Variants in OCLN observed in about 807,000 individuals in gnomAD.
The protein encoded by OCLN is occludin.
A neutral mutation model predicts 47.9 loss-of-function variants in OCLN; 21 were observed. That is an observed-to-expected ratio of 0.44 (90% confidence interval 0.31 to 0.63). OCLN has a LOEUF of 0.63. Among genes scored for constraint, OCLN ranks in the 30% least tolerant of loss-of-function variants. The pLI, the probability that OCLN is intolerant of heterozygous loss-of-function variation, is 0.08. For missense variants in OCLN, 360 were observed against 571.0 expected, an observed-to-expected ratio of 0.63 and a Z score of 3.77; for synonymous variants, 117 against 198.4, an observed-to-expected ratio of 0.59 and a Z score of 3.45.
chr5:69,535,923 A>G (rs1384663100), intron 5 of OCLN, among the ~76,000 whole-genome samples: 1 of 152,020 alleles, frequency 6.6e-6, no homozygotes, highest in African/African-American at 2.4e-5. Flanking sequence ...TCAGGAGTTC[A>G]AGACCGGCCT....
chr5:69,533,362 A>G (rs1324463230), intron 4 of OCLN, among the ~76,000 whole-genome samples: 1 of 152,098 alleles, frequency 6.6e-6, no homozygotes, highest in East Asian at 1.9e-4. Flanking sequence ...TTTATAAGCA[A>G]GTTTTTAAAG....
chr5:69,531,756 C>A lies in OCLN; in HGVS notation c.892-2938C>A, dbSNP rs1769438194. Among the ~76,000 whole-genome samples, 2 of 152,184 alleles carry A rather than the reference C, an allele frequency of 1.3e-5. 1 individual carries two copies. Among genetic ancestry groups the A allele is most frequent in the South Asian group, 4.1e-4 (2 of 4,826 alleles). ...TCTGAATGTTAAACAATCAAGAATA[C>A]CCCTATGTACTTTGAGGGGTAGGTA... On this transcript the variant is annotated intron_variant, in intron 4 of 8. Transcript: ENST00000396442.
intron 5 of OCLN, among the ~76,000 whole-genome samples, chr5:69,538,191 T>TC (rs1769642585): frequency 6.6e-6 from 1 of 150,966 alleles, no homozygotes; most frequent in Non-Finnish European, 1.5e-5. Context: ...ATTCTAGAAC[T>TC]CTAAGTTCCT....
intron 4 of OCLN, among the ~76,000 whole-genome samples, chr5:69,525,508 G>A (rs1769255818): frequency 6.6e-6 from 1 of 152,090 alleles, no homozygotes; most frequent in Non-Finnish European, 1.5e-5. Flanking sequence ...CCAGTCAAAC[G>A]TGTAAAAGTG....
chr5:69,516,368 G>A lies in OCLN; in HGVS notation c.891+2259G>A, dbSNP rs910767797. On this transcript the variant is annotated intron_variant, in intron 4 of 8. Coordinates refer to ENST00000396442, the MANE Select transcript of OCLN (RefSeq NM_001205254.2). ...GAAAACCAGTCAGGCGTGGTGGCGC[G>A]CGCCTGCAATCGCAGGCACTCGGCA... is the stretch of plus-strand genomic sequence containing the variant. 1.4e-4 allele frequency among the ~76,000 whole-genome samples: 21 copies of A among 152,264 alleles called. No homozygotes were observed. The East Asian group carries it at 3.1e-3, about 23-fold the overall frequency.
At chr5:69,530,521 A>G (rs950059873) in intron 4 of OCLN, 4 of 152,168 alleles carry the variant, frequency 2.6e-5, no homozygotes, top group Admixed American at 6.5e-5. Context: ...GTAAAGAGGA[A>G]AAAAAATGAT....
chr5:69,521,164 T>C (rs1461789676), intron 4 of OCLN, among the ~76,000 whole-genome samples: 1 of 152,192 alleles, frequency 6.6e-6, no homozygotes, highest in Non-Finnish European at 1.5e-5. Context: ...AAAATTGGTG[T>C]TATTTTAAAA....
At position 69,514,950 on chromosome 5, in the gene OCLN, C is replaced by T. The variant is rs865948919; in HGVS notation, c.891+841C>T. Among the ~76,000 whole-genome samples the T allele has an allele frequency of 6.8e-4, 103 of 152,212 alleles. 1 individual carries two copies. Among genetic ancestry groups the T allele is most frequent in the Admixed American group, 3.9e-4 (6 of 15,274 alleles). ...TTTCTACACAGACATGGCAACCATC[C>T]GATTTCTCAATCCTTTCCCCGCCTT... is the stretch of plus-strand genomic sequence containing the variant. On this transcript the variant is annotated intron_variant, in intron 4 of 8. Coordinates refer to ENST00000396442, the MANE Select transcript of OCLN (RefSeq NM_001205254.2).
intron 4 of OCLN, among the ~76,000 whole-genome samples, chr5:69,517,322 T>A (rs1350558376): frequency 1.3e-5 from 2 of 149,846 alleles, no homozygotes; most frequent in African/African-American, 2.4e-5. Flanking sequence ...ATATTTTTTT[T>A]TTTTTTGAGA....
chr5:69,495,986 A>G (rs1768276613), intron 1 of OCLN, among the ~76,000 whole-genome samples: 1 of 149,548 alleles, frequency 6.7e-6, no homozygotes, highest in Admixed American at 6.6e-5. Flanking sequence ...AGATTTATTA[A>G]AAATACAATT....
chr5:69,496,033 C>G lies in OCLN; in HGVS notation c.-69+3133C>G, dbSNP rs187691656. Among the ~76,000 whole-genome samples the G allele has an allele frequency of 1.6e-3, 239 of 151,914 alleles. 5 individuals carry two copies. Among genetic ancestry groups the G allele is most frequent in the Admixed American group, 0.015 (224 of 15,252 alleles). On this transcript the variant is annotated intron_variant, in intron 1 of 8. Coordinates refer to ENST00000396442, the MANE Select transcript of OCLN (RefSeq NM_001205254.2). ...GTCTATTACAAAATCTGCCTAACTT[C>G]AAATTTTTAGACAATTTACTAATGA...
chr5:69,530,654 C>T (rs1371131418), intron 4 of OCLN: 1 of 152,000 alleles, frequency 6.6e-6, no homozygotes, highest in African/African-American at 2.4e-5. Context: ...CTGTTCTTGC[C>T]CAAAGGCCAT....
intron 2 of OCLN, among the ~76,000 whole-genome samples, chr5:69,505,664 A>G (rs1197025864): frequency 1.3e-5 from 2 of 152,216 alleles, no homozygotes; most frequent in Non-Finnish European, 2.9e-5. Context: ...GGTCATGTGA[A>G]GACTTATCAG....
At chr5:69,520,303 C>CTT (rs1188006043) in intron 4 of OCLN, among the ~76,000 whole-genome samples, 3 of 130,780 alleles carry the variant, frequency 2.3e-5, no homozygotes, top group South Asian at 2.5e-4. Flanking sequence ...CTATGGGGTA[C>CTT]TTTTTTTTTT....
intron 4 of OCLN, among the ~76,000 whole-genome samples, chr5:69,529,389 G>A (rs1769369043): frequency 6.6e-6 from 1 of 152,118 alleles, no homozygotes; most frequent in Non-Finnish European, 1.5e-5. Flanking sequence ...ATTAAGCTTT[G>A]AATAAAAATT....
intron 4 of OCLN, among the ~76,000 whole-genome samples, chr5:69,517,862 G>A (rs1018082900): frequency 6.6e-6 from 1 of 152,112 alleles, no homozygotes; most frequent in Non-Finnish European, 1.5e-5. Flanking sequence ...CTCCAGGCAA[G>A]GCCACTTGTA....
chr5:69,518,969 T>G (rs552038555), intron 4 of OCLN, among the ~76,000 whole-genome samples: 3 of 152,160 alleles, frequency 2.0e-5, no homozygotes, highest in South Asian at 4.2e-4. Context: ...AGACCCTATC[T>G]CTACAAAAAA....
At position 69,509,468 on chromosome 5, in the gene OCLN, T is replaced by A. The variant is rs1233780160; in HGVS notation, c.378T>A (p.Tyr126Ter). The A allele has an allele frequency of 1.2e-6, 2 of 1,614,230 alleles. No homozygotes were observed. The highest frequency in any genetic ancestry group is 2.7e-5 in the African/African-American group (2 of 75,066). Reference sequence around the variant, plus strand: ...ATGGCTATGGCTATGGTTATGGCTATGGCTACGGAGGCTATACAGACCCAA... The same window carrying A: ...ATGGCTATGGCTATGGTTATGGCTAAGGCTACGGAGGCTATACAGACCCAA... ...SGYGYGYGYG[Y>*]GYGGYTDPRA... Residue 126 changes from tyrosine to a stop codon, truncating the protein, a stop_gained, in exon 3 of 9, where the codon TAT (tyrosine) becomes TAA (stop). Transcript: ENST00000396442. LOFTEE classifies it high-confidence loss of function.
At chr5:69,514,990 TCCACAAAA>T (rs1768889822) in intron 4 of OCLN, among the ~76,000 whole-genome samples, 1 of 152,136 alleles carries the variant, frequency 6.6e-6, no homozygotes, top group Non-Finnish European at 1.5e-5. Flanking sequence ...CCCTTTCTAT[TCCACAAAA>T]CCGCCATTGT....
Sources: allele counts gnomAD v4.1 joint callset (sites outside exome capture counted in the v4.1 genomes callset), GRCh38; gene constraint gnomAD v4.1.1; transcripts MANE v1.5; gene names NCBI Gene and HGNC (gene_info 2026-07-23, HGNC 2026-07-21).